Variants in PRSS23 observed in about 807,000 individuals in gnomAD.
The protein encoded by PRSS23 is serine protease 23.
A neutral mutation model predicts 34.7 loss-of-function variants in PRSS23; 25 were observed. The observed-to-expected ratio is 0.72, with a 90% CI of 0.53 to 1.01. The LOEUF (loss-of-function observed/expected upper bound fraction) is 1.01, where lower values mean the gene tolerates loss of function less well. Among genes scored for constraint, PRSS23 ranks in the 50% least tolerant of loss-of-function variants. The pLI is 0.00. For missense variants in PRSS23, 445 were observed against 475.6 expected, an observed-to-expected ratio of 0.94 and a Z score of 0.60; for synonymous variants, 176 against 186.6, an observed-to-expected ratio of 0.94 and a Z score of 0.46.
At chr11:86,942,259 C>A (rs1461130930) in intron 2 of PRSS23, among the ~76,000 whole-genome samples, 1 of 152,188 alleles carries the variant, frequency 6.6e-6, no homozygotes, top group African/African-American at 2.4e-5. Flanking sequence ...AAAGGACAGA[C>A]ATAACCTAGT....
chr11:86,924,582 A>G (rs1470686087), intron 2 of PRSS23, among the ~76,000 whole-genome samples: 1 of 152,200 alleles, frequency 6.6e-6, no homozygotes, highest in Non-Finnish European at 1.5e-5. Context: ...GGCTCCACCT[A>G]GCCACTTAAT....
chr11:86,795,955 G>T (rs936696065), upstream of PRSS23, among the ~76,000 whole-genome samples: 1 of 152,200 alleles, frequency 6.6e-6, no homozygotes, highest in African/African-American at 2.4e-5. Context: ...TAGTTGAGTT[G>T]AGGTTGAGTT....
chr11:86,899,681 A>AT (rs1329792841), intron 2 of PRSS23, among the ~76,000 whole-genome samples: 1 of 151,844 alleles, frequency 6.6e-6, no homozygotes, highest in East Asian at 2.0e-4. Context: ...TGCCTGGCTA[A>AT]TTTTTTTCTA....
At chr11:86,837,984 C>T (rs549917972) in intron 2 of PRSS23, among the ~76,000 whole-genome samples, 1 of 152,000 alleles carries the variant, frequency 6.6e-6, no homozygotes, top group Admixed American at 6.6e-5. Flanking sequence ...CAGGGTGTCA[C>T]CTCACCTGGG....
intron 2 of PRSS23, among the ~76,000 whole-genome samples, chr11:86,869,378 A>G (rs1477589133): frequency 2.0e-5 from 3 of 152,152 alleles, no homozygotes; most frequent in African/African-American, 7.2e-5. Flanking sequence ...CCTTTATCAA[A>G]CATCAACTGG....
intron 1 of PRSS23, chr11:86,821,337 A>T (rs1948250024): frequency 5.6e-6 from 4 of 710,040 alleles, no homozygotes. Context: ...AATATTCTGT[A>T]ACTCCTAAGG....
At chr11:86,848,730 C>T (rs886306442) in intron 2 of PRSS23, among the ~76,000 whole-genome samples, 2 of 152,188 alleles carry the variant, frequency 1.3e-5, no homozygotes, top group Non-Finnish European at 2.9e-5. Context: ...CATTATTAAA[C>T]CTGCCAACCT....
chr11:86,831,267 A>G (rs11234824), intron 2 of PRSS23, among the ~76,000 whole-genome samples: 1,651 of 152,114 alleles, frequency 0.011, 38 homozygotes, highest in African/African-American at 0.038. Flanking sequence ...TTTTTGTATT[A>G]TTCGTAATAT....
At chr11:86,899,775 C>T (rs1948899028) in intron 2 of PRSS23, among the ~76,000 whole-genome samples, 1 of 151,466 alleles carries the variant, frequency 6.6e-6, no homozygotes, top group Non-Finnish European at 1.5e-5. Flanking sequence ...CTCGGCCTCC[C>T]AAAGTGCTGG....
At chr11:86,878,104 T>C (rs926169868) in intron 2 of PRSS23, among the ~76,000 whole-genome samples, 1 of 152,216 alleles carries the variant, frequency 6.6e-6, no homozygotes, top group African/African-American at 2.4e-5. Context: ...TTGTACTATA[T>C]TTGATATTAC....
At position 86,930,025 on chromosome 11, in the gene PRSS23, T is replaced by G. The variant is rs1016916605; in HGVS notation, c.207-21191T>G. On this transcript the variant is annotated intron_variant, in intron 2 of 2. Transcript: ENST00000533902. ...ACTAATAGTATTCATAATTTGTTATTTGCTAATATATACAAATATAGTATT... is the reference window on the plus strand; with the variant it reads ...ACTAATAGTATTCATAATTTGTTATGTGCTAATATATACAAATATAGTATT... Among the ~76,000 whole-genome samples, 111 of 152,080 alleles carry G rather than the reference T, an allele frequency of 7.3e-4. 3 individuals carry two copies. The highest frequency in any genetic ancestry group is 7.2e-3 in the Admixed American group (110 of 15,248).
chr11:86,906,884 G>A (rs1330785097), intron 2 of PRSS23, among the ~76,000 whole-genome samples: 3 of 152,076 alleles, frequency 2.0e-5, no homozygotes, highest in Admixed American at 1.3e-4. Context: ...ATTAAACAGT[G>A]CCTGAACAGC....
At chr11:86,951,444 C>T in exon 3 of PRSS23, 2 of 1,613,446 alleles carry the variant, frequency 1.2e-6, no homozygotes, top group African/African-American at 1.3e-5. Flanking sequence ...GAGAACACCC[C>T]AATCTTGACC....
At chr11:86,824,382 A>AATAAAATAAAATAAAATAAATAAAAT (rs1948281869) in intron 2 of PRSS23, among the ~76,000 whole-genome samples, 5 of 149,980 alleles carry the variant, frequency 3.3e-5, no homozygotes, top group Non-Finnish European at 1.5e-5. Flanking sequence ...AATAAAATAA[A>AATAAAATAAAATAAAATAAATAAAAT]AAAACAAAAT....
exon 3 of PRSS23, chr11:86,951,372 A>G (rs1315324945): frequency 1.9e-6 from 3 of 1,614,064 alleles, no homozygotes; most frequent in Non-Finnish European, 2.5e-6. Flanking sequence ...AAAAGTGCCC[A>G]GTTGGAGATT....
intron 2 of PRSS23, among the ~76,000 whole-genome samples, chr11:86,927,163 C>T (rs921151365): frequency 4.6e-5 from 7 of 152,068 alleles, no homozygotes; most frequent in Admixed American, 2.0e-4. Context: ...CCTGGAGTCA[C>T]GTGGTGCAGA....
intron 2 of PRSS23, among the ~76,000 whole-genome samples, chr11:86,930,252 A>G (rs1211201338): frequency 6.6e-6 from 1 of 152,158 alleles, no homozygotes; most frequent in Non-Finnish European, 1.5e-5. Context: ...AACTTTTGAC[A>G]GAATATCTTT....
chr11:86,799,956 C>T (rs1053190017), upstream of PRSS23, among the ~76,000 whole-genome samples: 10 of 152,158 alleles, frequency 6.6e-5, no homozygotes, highest in East Asian at 1.4e-3. Flanking sequence ...TTGGAGGCAC[C>T]GGAGAAACTA....
chr11:86,846,663 C>T (rs967509942), intron 2 of PRSS23, among the ~76,000 whole-genome samples: 4 of 152,184 alleles, frequency 2.6e-5, no homozygotes, highest in East Asian at 3.9e-4. Flanking sequence ...CCTAATGAGT[C>T]CTAATGTCCA....
Sources: allele counts gnomAD v4.1 joint callset (sites outside exome capture counted in the v4.1 genomes callset), GRCh38; gene constraint gnomAD v4.1.1; transcripts MANE v1.5; gene names NCBI Gene and HGNC (gene_info 2026-07-23, HGNC 2026-07-21).